Variants in SEMA3F observed in about 807,000 individuals in gnomAD.
SEMA3F encodes semaphorin 3F, also known as semaphorin-3F.
In SEMA3F, 30 loss-of-function variants were observed where a neutral mutation model predicts 98.5. The observed-to-expected ratio is 0.30, with a 90% CI of 0.23 to 0.41. SEMA3F has a LOEUF of 0.41. SEMA3F is among the 10% of genes least tolerant of loss of function. SEMA3F has a pLI of 1.00. For synonymous variants in SEMA3F, 380 were observed against 444.8 expected, an observed-to-expected ratio of 0.85 and a Z score of 1.83; for missense variants, 866 against 1,119.3, an observed-to-expected ratio of 0.77 and a Z score of 3.23.
Position 50,184,748 on chromosome 3 carries a change from A to G in SEMA3F, c.1390A>G (p.Thr464Ala). 6.2e-7 allele frequency: 1 copy of G among 1,614,076 alleles called. No individual in the cohort carries two copies. Among genetic ancestry groups the G allele is most frequent in the Non-Finnish European group, 8.5e-7 (1 of 1,179,978 alleles). ...CCGCACAGGTGCTCCCTACCGCCTT[A>G]CCACTATTGCCGTGGACCAGGTGGA... ...VVRTGAPYRLTTIAVDQVDAA... is the reference protein window; with the variant it reads ...VVRTGAPYRLATIAVDQVDAA... Residue 464 changes from threonine (T) to alanine (A), a missense_variant, in exon 13 of 19, where the codon ACC becomes GCC. This residue lies in a region of SEMA3F where 374 missense variants were observed against 582.8 expected (regional missense o/e 0.64). Transcript: ENST00000002829.
At chr3:50,173,072 G>A (rs966914820) in intron 2 of SEMA3F, among the ~76,000 whole-genome samples, 3 of 152,194 alleles carry the variant, frequency 2.0e-5, no homozygotes, top group Admixed American at 1.3e-4. Flanking sequence ...TTAGCTTTGG[G>A]TGTGGCGCCT....
chr3:50,172,301 G>T (rs1698643185), intron 2 of SEMA3F, among the ~76,000 whole-genome samples: 1 of 152,158 alleles, frequency 6.6e-6, no homozygotes, highest in Admixed American at 6.5e-5. Flanking sequence ...CCCCCTGTGT[G>T]TGTGAATATT....
rs1194061636 is a variant in SEMA3F, at chr3:50,188,160, C to G, written c.*45C>G. 1.0e-6 allele frequency: 1 copy of G among 960,410 alleles called. No individual in the cohort carries two copies. Among genetic ancestry groups the G allele is most frequent in the East Asian group, 3.2e-5 (1 of 31,028 alleles). The allele number at this position is 960,410 out of a possible 1,614,324, so 59.5% of individuals were successfully genotyped here. A position where few individuals can be genotyped will look rare whatever the true frequency, so the allele number is the denominator to read the frequency against. ...CCATGGGCCAGCCTAGCCCTTGTCCCTTTTAATATAAAAGATATATATATA... is the reference window on the plus strand; with the variant it reads ...CCATGGGCCAGCCTAGCCCTTGTCCGTTTTAATATAAAAGATATATATATA... On this transcript the variant is annotated 3_prime_UTR_variant, in exon 19 of 19. Coordinates refer to ENST00000002829, the MANE Select transcript of SEMA3F (RefSeq NM_004186.5). This position sits in a 1 kb window ranked among gnomAD's most constrained non-coding sequence, Gnocchi z 4.5.
Position 50,173,869 on chromosome 3 carries a change from C to G in SEMA3F, c.189C>G (p.Asp63Glu). 1 of 1,614,126 alleles carries G rather than the reference C, an allele frequency of 6.2e-7. No homozygotes were observed. The highest frequency in any genetic ancestry group is 8.5e-7 in the Non-Finnish European group (1 of 1,180,030). ...NTTDYRILLK[D>E]EDHDRMYVGS... ...CCGACTACCGAATCTTGCTCAAGGA[C>G]GAGGACCACGACCGCATGTACGTGG... is the stretch of plus-strand genomic sequence containing the variant. The change falls in exon 3 of 19, where the codon GAC (aspartate) becomes GAG (glutamate). Residue 63 changes from aspartate to glutamate, a missense_variant. Physicochemically the swap from Asp to Glu is conservative, Grantham distance 45. Around this residue, in one of 3 missense-constraint regions of SEMA3F, gnomAD observed 247 missense variants for 276.0 expected, o/e 0.89. Transcript: ENST00000002829.
At chr3:50,161,047 A>C (rs181373947) in intron 2 of SEMA3F, among the ~76,000 whole-genome samples, 1 of 152,102 alleles carries the variant, frequency 6.6e-6, no homozygotes, top group African/African-American at 2.4e-5. Context: ...CCCTGGTGGA[A>C]TTCTTCAGAG....
chr3:50,185,368 G>C (rs1197327296), intron 13 of SEMA3F, 75 bp from the exon 14 acceptor site: 2 of 1,402,364 alleles, frequency 1.4e-6, no homozygotes, highest in Non-Finnish European at 2.0e-6. Context: ...GGGCCCTGGT[G>C]GGGGAAGGGG....
intron 7 of SEMA3F, among the ~76,000 whole-genome samples, chr3:50,177,650 T>A (rs1698863433): frequency 6.6e-6 from 1 of 152,196 alleles, no homozygotes; most frequent in Non-Finnish European, 1.5e-5. Flanking sequence ...TGGGGGAGCC[T>A]CAGATGTGGT....
At position 50,173,897 on chromosome 3, in the gene SEMA3F, A is replaced by G. The variant is rs2109087650; in HGVS notation, c.217A>G (p.Ser73Gly). The change falls in exon 3 of 19, where the codon AGC (serine) becomes GGC (glycine). Residue 73 changes from serine (S) to glycine (G), a missense_variant. By Grantham distance (56) the Ser-to-Gly change is moderately conservative (BLOSUM62 0). Around this residue, in one of 3 missense-constraint regions of SEMA3F, gnomAD observed 247 missense variants for 276.0 expected, o/e 0.89. Transcript: ENST00000002829. ...GGACCACGACCGCATGTACGTGGGC[A>G]GCAAGGACTACGTGCTGTCCCTGGA... is the stretch of plus-strand genomic sequence containing the variant. ...DEDHDRMYVGSKDYVLSLDLH... is the reference protein window; with the variant it reads ...DEDHDRMYVGGKDYVLSLDLH... The G allele has an allele frequency of 1.2e-6, 2 of 1,614,174 alleles. No homozygotes were observed. Among genetic ancestry groups the G allele is most frequent in the East Asian group, 2.2e-5 (1 of 44,886 alleles).
Position 50,173,835 on chromosome 3 carries a change from T to C in SEMA3F, c.155T>C (p.Leu52Pro). 1 of 1,614,006 alleles carries C rather than the reference T, an allele frequency of 6.2e-7. No individual in the cohort carries two copies. Among genetic ancestry groups the C allele is most frequent in the Non-Finnish European group, 8.5e-7 (1 of 1,180,006 alleles). Residue 52 changes from leucine to proline, a missense_variant, in exon 3 of 19, where the codon CTC becomes CCC. By Grantham distance (98) the Leu-to-Pro change is moderately conservative. Transcript: ENST00000002829. ...ACCGCCCACTTCTTCAACTTCCTGC[T>C]CAACACAACCGACTACCGAATCTTG... The part of the protein sequence containing the change: ...TGTAHFFNFL[L>P]NTTDYRILLK...
At chr3:50,174,144 G>A (rs769797604) in intron 4 of SEMA3F, 30 bp downstream of exon 4, 3 of 1,613,900 alleles carry the variant, frequency 1.9e-6, no homozygotes, top group Admixed American at 1.7e-5. Flanking sequence ...CAGGTGGGAA[G>A]GGGGAATCCA....
intron 11 of SEMA3F, 76 bp from the exon 12 acceptor site, chr3:50,183,344 G>A (rs905202094): frequency 1.9e-6 from 3 of 1,604,522 alleles, no homozygotes; most frequent in East Asian, 2.2e-5. Flanking sequence ...GTGGCGAGCT[G>A]TGGGGAGGGG....
intron 7 of SEMA3F, among the ~76,000 whole-genome samples, chr3:50,179,013 C>T (rs1253139665): frequency 8.6e-5 from 13 of 151,354 alleles, no homozygotes; most frequent in South Asian, 8.4e-4. Context: ...TAGTAGAGAC[C>T]GGGGTTTCAC....
rs150089583 is a variant in SEMA3F, at chr3:50,176,922, G to A, written c.643+61G>A. The A allele has an allele frequency of 5.7e-4, 764 of 1,350,150 alleles. 6 individuals are homozygous for A. In the African/African-American group the frequency reaches 9.4e-3, roughly 17 times the overall value. The allele number at this position is 1,350,150 out of a possible 1,614,324, so 83.6% of individuals were successfully genotyped here. ...GTGTGGCCTCTGCCCCTGGAGATGG[G>A]GCATGGCACCAACACTTACCCAAGG... On this transcript the variant is annotated intron_variant, in intron 7 of 18. Transcript: ENST00000002829.
At chr3:50,160,697 G>C (rs1454359779) in intron 2 of SEMA3F, among the ~76,000 whole-genome samples, 1 of 152,208 alleles carries the variant, frequency 6.6e-6, no homozygotes, top group Admixed American at 6.5e-5. Context: ...TGGCTGGCCA[G>C]ATTTCCGGGC....
At chr3:50,183,355 G>T (rs1314460596) in intron 11 of SEMA3F, 65 bp from the exon 12 acceptor site, 1 of 1,604,702 alleles carries the variant, frequency 6.2e-7, no homozygotes, top group African/African-American at 1.3e-5. Flanking sequence ...TGGGGAGGGG[G>T]CAGTTTGGGG....
rs753375214 is a variant in SEMA3F, at chr3:50,182,764, G to A, written c.884G>A (p.Arg295His). The A allele has an allele frequency of 2.5e-6, 4 of 1,612,662 alleles. No individual in the cohort carries two copies. Among genetic ancestry groups the A allele is most frequent in the Admixed American group, 1.7e-5 (1 of 60,002 alleles). ...EAPQSPAVYA[R>H]IGRICLNDDG... ...CCGCAGAGCCCCGCGGTGTACGCCCGCATCGGGCGCATTTGCCTGGTATGC... is the reference window on the plus strand; with the variant it reads ...CCGCAGAGCCCCGCGGTGTACGCCCACATCGGGCGCATTTGCCTGGTATGC... The change falls in exon 9 of 19, where the codon CGC becomes CAC. Residue 295 changes from arginine to histidine, a missense_variant. Coordinates refer to ENST00000002829, the MANE Select transcript of SEMA3F (RefSeq NM_004186.5). The surrounding 1 kb of genome is among the most constrained non-coding windows in gnomAD (Gnocchi z 4.5).
At chr3:50,185,262 G>A (rs1699164852) in intron 13 of SEMA3F, among the ~76,000 whole-genome samples, 181 bp from the exon 14 acceptor site, 1 of 152,196 alleles carries the variant, frequency 6.6e-6, no homozygotes, top group African/African-American at 2.4e-5. Flanking sequence ...GCAGACCATG[G>A]CCATGACCCC....
At chr3:50,165,472 T>C (rs966084324) in intron 2 of SEMA3F, among the ~76,000 whole-genome samples, 1 of 152,142 alleles carries the variant, frequency 6.6e-6, no homozygotes, top group Non-Finnish European at 1.5e-5. Flanking sequence ...TTGGCTGCAA[T>C]AACTCCTTCT....
rs190777439 is a variant in SEMA3F, at chr3:50,172,933, C to T, written c.113-860C>T. On this transcript the variant is annotated intron_variant, in intron 2 of 18. Coordinates refer to ENST00000002829, the MANE Select transcript of SEMA3F (RefSeq NM_004186.5). ...AAGCCCCTGTGTGAAGCTGGCCCCACCCTGAGCGTGGGAGCATTAACCCCC... is the reference window on the plus strand; with the variant it reads ...AAGCCCCTGTGTGAAGCTGGCCCCATCCTGAGCGTGGGAGCATTAACCCCC... 1.2e-4 allele frequency among the ~76,000 whole-genome samples: 19 copies of T among 152,306 alleles called. No individual in the cohort carries two copies. In the East Asian group the frequency reaches 3.7e-3, roughly 29 times the overall value.
Sources: allele counts gnomAD v4.1 joint callset (sites outside exome capture counted in the v4.1 genomes callset), GRCh38; gene constraint gnomAD v4.1.1; regional missense constraint gnomAD v4.1.1; non-coding constraint Gnocchi (gnomAD v3.1); transcripts MANE v1.5; gene names NCBI Gene and HGNC (gene_info 2026-07-23, HGNC 2026-07-21).